The following SCD5 variants were observed in gnomAD, a reference collection of about 807,000 sequenced individuals.
SCD5 encodes the protein acyl-CoA-desaturase 4.
In SCD5, 20 loss-of-function variants were observed where a neutral mutation model predicts 30.4. That is an observed-to-expected ratio of 0.66 (90% CI 0.46 to 0.96). The LOEUF is 0.96. SCD5 is among the 40% of genes least tolerant of loss of function. The pLI is 0.00. For missense variants in SCD5, 381 were observed against 443.3 expected (o/e 0.86, Z 1.26); for synonymous variants, 173 against 176.4 (o/e 0.98, Z 0.16).
intron 3 of SCD5, among the ~76,000 whole-genome samples, chr4:82,668,046 C>T (rs1312914756): frequency 1.3e-5 from 2 of 152,074 alleles, no homozygotes; most frequent in Non-Finnish European, 2.9e-5. Context: ...ACTTCCCCAC[C>T]AAAAACAACA....
At chr4:82,743,800 G>A (rs903737818) in intron 1 of SCD5, among the ~76,000 whole-genome samples, 1 of 152,024 alleles carries the variant, frequency 6.6e-6, no homozygotes, top group Non-Finnish European at 1.5e-5. Context: ...TGAGATTACA[G>A]GCATGACCAC....
chr4:82,714,747 C>A (rs1033366984), intron 1 of SCD5, among the ~76,000 whole-genome samples: 3 of 152,140 alleles, frequency 2.0e-5, no homozygotes, highest in Non-Finnish European at 4.4e-5. Flanking sequence ...AAAGGAAATG[C>A]TCATTGGAGC....
chr4:82,655,109 C>T (rs1464869820), intron 3 of SCD5, among the ~76,000 whole-genome samples: 1 of 152,142 alleles, frequency 6.6e-6, no homozygotes, highest in Non-Finnish European at 1.5e-5. Context: ...TTCTTAATAT[C>T]CTCATCTACT....
chr4:82,740,399 G>A (rs912650383), intron 1 of SCD5, among the ~76,000 whole-genome samples: 3 of 152,220 alleles, frequency 2.0e-5, no homozygotes, highest in Non-Finnish European at 2.9e-5. Flanking sequence ...CAGGTGGACG[G>A]GGAGGATCTC....
chr4:82,666,130 T>C (rs570223177), intron 3 of SCD5, among the ~76,000 whole-genome samples: 1 of 152,336 alleles, frequency 6.6e-6, no homozygotes, highest in Admixed American at 6.5e-5. Flanking sequence ...ATGAATTTTC[T>C]GTTATGAAAA....
At chr4:82,719,240 T>C (rs747689501) in intron 1 of SCD5, among the ~76,000 whole-genome samples, 21 of 151,724 alleles carry the variant, frequency 1.4e-4, no homozygotes, top group Non-Finnish European at 1.5e-4. Flanking sequence ...CCCCTTCCAC[T>C]GAGACAGCTC....
In SCD5 at chr4:82,643,391, T is replaced by C. The variant is rs79979512; in HGVS notation, c.570-6568A>G. Among the ~76,000 whole-genome samples the C allele has an allele frequency of 3.6e-3, 545 of 152,290 alleles. 3 individuals are homozygous for C. The highest frequency in any genetic ancestry group is 0.012 in the African/African-American group (513 of 41,562). On this transcript the variant is annotated intron_variant, in intron 3 of 4. Transcript: ENST00000319540. ...TATACAATAGAATGCTAGTCAGCCA[T>C]GAAGAGGAATAAGATTTTCATATAT...
At chr4:82,703,045 CTT>C (rs1422747631) in intron 2 of SCD5, among the ~76,000 whole-genome samples, 1 of 152,110 alleles carries the variant, frequency 6.6e-6, no homozygotes, top group Non-Finnish European at 1.5e-5. Context: ...CACTGGGAAA[CTT>C]TGGGGATTCT....
chr4:82,696,991 A>G (rs895740378), intron 2 of SCD5, among the ~76,000 whole-genome samples: 1 of 152,210 alleles, frequency 6.6e-6, no homozygotes, highest in Non-Finnish European at 1.5e-5. Flanking sequence ...CGTGGCTTCT[A>G]AGGTTCCCCA....
At chr4:82,634,239 T>C (rs1027279414) in intron 4 of SCD5, among the ~76,000 whole-genome samples, 3 of 152,210 alleles carry the variant, frequency 2.0e-5, no homozygotes, top group African/African-American at 2.4e-5. Flanking sequence ...TGTGTGGACA[T>C]ATGTTTTCAT....
At chr4:82,768,192 T>C (rs1721534803) in intron 1 of SCD5, among the ~76,000 whole-genome samples, 1 of 152,184 alleles carries the variant, frequency 6.6e-6, no homozygotes, top group African/African-American at 2.4e-5. Flanking sequence ...AATACCACAA[T>C]TATCATTCCC....
intron 1 of SCD5, among the ~76,000 whole-genome samples, chr4:82,769,525 T>C (rs898873346): frequency 6.6e-6 from 1 of 152,174 alleles, no homozygotes; most frequent in Non-Finnish European, 1.5e-5. Context: ...CCTTTCAGTA[T>C]TGAACTGGGG....
intron 3 of SCD5, among the ~76,000 whole-genome samples, chr4:82,662,604 A>G (rs1293077412): frequency 6.6e-6 from 1 of 151,884 alleles, no homozygotes; most frequent in African/African-American, 2.4e-5. Flanking sequence ...TCATGCCTGT[A>G]ATCCCAGCAC....
intron 1 of SCD5, among the ~76,000 whole-genome samples, chr4:82,742,855 C>T (rs188882562): frequency 9.2e-5 from 14 of 152,316 alleles, no homozygotes; most frequent in Non-Finnish European, 1.6e-4. Flanking sequence ...GAGCCCACCA[C>T]AATGTCCAAC....
intron 1 of SCD5, among the ~76,000 whole-genome samples, chr4:82,753,020 C>CT (rs1721138928): frequency 6.6e-6 from 1 of 152,190 alleles, no homozygotes; most frequent in Non-Finnish European, 1.5e-5. Flanking sequence ...CAGACTTTGG[C>CT]TGTGCAGAGT....
chr4:82,637,910 G>A (rs1011511804), intron 3 of SCD5, among the ~76,000 whole-genome samples: 5 of 151,938 alleles, frequency 3.3e-5, no homozygotes, highest in South Asian at 4.1e-4. Context: ...TGTGCAGGAC[G>A]TGCAGGCTTG....
chr4:82,749,225 G>T (rs1032564074), intron 1 of SCD5, among the ~76,000 whole-genome samples: 11 of 152,188 alleles, frequency 7.2e-5, no homozygotes, highest in Admixed American at 6.5e-4. Flanking sequence ...GGAGTCGCTA[G>T]GAGATATATG....
chr4:82,633,951 CTA>C (rs1302707172), intron 4 of SCD5, among the ~76,000 whole-genome samples: 13 of 152,306 alleles, frequency 8.5e-5, no homozygotes, highest in Non-Finnish European at 1.3e-4. Flanking sequence ...GTCCTGTTTT[CTA>C]TCTGTGTAGA....
intron 3 of SCD5, among the ~76,000 whole-genome samples, chr4:82,654,620 G>T (rs1211434137): frequency 1.3e-5 from 2 of 152,120 alleles, no homozygotes; most frequent in Admixed American, 6.5e-5. Flanking sequence ...CTAGACATTG[G>T]CTCTCCATCA....
Sources: allele counts gnomAD v4.1 joint callset (sites outside exome capture counted in the v4.1 genomes callset), GRCh38; gene constraint gnomAD v4.1.1; transcripts MANE v1.5; gene names NCBI Gene and HGNC (gene_info 2026-07-23, HGNC 2026-07-21).